LRRC8C: variants seen among roughly 807,000 people sequenced by gnomAD.
LRRC8C encodes the protein leucine rich repeat containing 8 VRAC subunit C.
Under a neutral mutation model 55.3 loss-of-function variants are expected in LRRC8C, and 20 were observed. The observed-to-expected ratio is 0.36, with a 90% CI of 0.25 to 0.53. The LOEUF (loss-of-function observed/expected upper bound fraction) is 0.53, where lower values mean the gene tolerates loss of function less well. Ranked by LOEUF, LRRC8C falls within the 20% of genes least tolerant of loss-of-function variation. The pLI, the probability that LRRC8C is intolerant of heterozygous loss-of-function variation, is 0.92. For synonymous variants in LRRC8C, 376 were observed against 360.7 expected, an observed-to-expected ratio of 1.04 and a Z score of -0.48; for missense variants, 659 against 951.4, an observed-to-expected ratio of 0.69 and a Z score of 4.04.
At position 89,715,523 on chromosome 1, in the gene LRRC8C, T is replaced by C. The variant is rs1658793563; in HGVS notation, c.*541T>C. On this transcript the variant is annotated 3_prime_UTR_variant, in exon 3 of 3. Transcript: ENST00000370454. ...TGTTCCCCTGCCTCCAACAAAACCC[T>C]AAACTGTGTTATTTCATATACCTGA... The C allele has an allele frequency of 6.6e-6, 1 of 152,264 alleles. No individual in the cohort carries two copies. Among genetic ancestry groups the C allele is most frequent in the South Asian group, 2.1e-4 (1 of 4,834 alleles). 9.4% of individuals were successfully genotyped at this position (152,264 alleles called of 1,614,324 possible).
chr1:89,702,695 T>G (rs1020805790), intron 2 of LRRC8C, among the ~76,000 whole-genome samples: 3 of 152,010 alleles, frequency 2.0e-5, no homozygotes, highest in African/African-American at 7.3e-5. Context: ...CCAGGATTTT[T>G]GAAGCTACTG....
intron 2 of LRRC8C, among the ~76,000 whole-genome samples, chr1:89,709,752 T>TTG (rs1429917459): frequency 1.5e-4 from 4 of 26,686 alleles, no homozygotes; most frequent in African/African-American, 4.1e-4. Context: ...TTTTTTTTTG[T>TTG]TTGTTTTTTT....
At chr1:89,650,371 T>C (rs1656729163) in intron 1 of LRRC8C, among the ~76,000 whole-genome samples, 1 of 152,098 alleles carries the variant, frequency 6.6e-6, no homozygotes, top group East Asian at 1.9e-4. Flanking sequence ...AATGTTAGAA[T>C]AACATTGCTA....
At chr1:89,701,156 A>T (rs1375869343) in intron 2 of LRRC8C, among the ~76,000 whole-genome samples, 1 of 152,090 alleles carries the variant, frequency 6.6e-6, no homozygotes, top group Non-Finnish European at 1.5e-5. Context: ...AGCTGGAGAA[A>T]TAATTTGGGG....
intron 1 of LRRC8C, among the ~76,000 whole-genome samples, chr1:89,682,109 G>A (rs185927602): frequency 6.6e-5 from 10 of 152,260 alleles, no homozygotes; most frequent in South Asian, 2.1e-4. Context: ...CCCGGGAGGC[G>A]GAGCTTGCAG....
intron 1 of LRRC8C, among the ~76,000 whole-genome samples, chr1:89,682,460 C>T (rs935823815): frequency 6.6e-6 from 1 of 152,188 alleles, no homozygotes; most frequent in African/African-American, 2.4e-5. Context: ...GATAAAGGAA[C>T]AGTGACCCTC....
At chr1:89,697,386 TC>T (rs1658202596) in intron 2 of LRRC8C, among the ~76,000 whole-genome samples, 1 of 152,208 alleles carries the variant, frequency 6.6e-6, no homozygotes, top group Admixed American at 6.5e-5. Context: ...CTTTGAACTC[TC>T]CCAATTTCTT....
At chr1:89,646,418 C>G (rs185395322) in intron 1 of LRRC8C, among the ~76,000 whole-genome samples, 1 of 152,214 alleles carries the variant, frequency 6.6e-6, no homozygotes, top group Admixed American at 6.5e-5. Flanking sequence ...TAACCAAAAA[C>G]TTTCCCATAA....
chr1:89,646,681 C>G (rs1656623452), intron 1 of LRRC8C, among the ~76,000 whole-genome samples: 1 of 151,972 alleles, frequency 6.6e-6, no homozygotes, highest in African/African-American at 2.4e-5. Context: ...GAATGCCTTC[C>G]CCTTGAGATC....
intron 2 of LRRC8C, among the ~76,000 whole-genome samples, chr1:89,691,994 A>G (rs186620063): frequency 5.8e-4 from 88 of 152,352 alleles, no homozygotes; most frequent in African/African-American, 1.9e-3. Context: ...GAAAGAATGC[A>G]TGGTACAAAT....
intron 1 of LRRC8C, among the ~76,000 whole-genome samples, chr1:89,636,908 A>T (rs2101173452): frequency 6.6e-6 from 1 of 152,254 alleles, no homozygotes; most frequent in East Asian, 1.9e-4. Flanking sequence ...TTTTTAAAAA[A>T]TTTCTTTATA....
At chr1:89,656,524 C>A (rs533629156) in intron 1 of LRRC8C, among the ~76,000 whole-genome samples, 1 of 152,110 alleles carries the variant, frequency 6.6e-6, no homozygotes, top group East Asian at 1.9e-4. Context: ...ACATTTGAGA[C>A]CTCTGGGTTT....
chr1:89,649,757 A>C (rs1656707480), intron 1 of LRRC8C, among the ~76,000 whole-genome samples: 1 of 152,214 alleles, frequency 6.6e-6, no homozygotes, highest in South Asian at 2.1e-4. Flanking sequence ...TGTAGATTCT[A>C]TCTGTTTTGG....
intron 2 of LRRC8C, among the ~76,000 whole-genome samples, chr1:89,697,320 T>A (rs1324114638): frequency 1.3e-5 from 2 of 152,232 alleles, no homozygotes; most frequent in African/African-American, 2.4e-5. Context: ...ATATTTAGAA[T>A]TCTGTATCTT....
chr1:89,657,025 C>T (rs945210848), intron 1 of LRRC8C, among the ~76,000 whole-genome samples: 7 of 152,258 alleles, frequency 4.6e-5, no homozygotes, highest in African/African-American at 1.2e-4. Context: ...TTCAAACCTA[C>T]GTCTTTCTGG....
intron 1 of LRRC8C, among the ~76,000 whole-genome samples, chr1:89,646,366 C>A (rs778835129): frequency 6.6e-6 from 1 of 152,036 alleles, no homozygotes; most frequent in Non-Finnish European, 1.5e-5. Context: ...GAAAAAGTTT[C>A]TTGAAAAGCA....
upstream of LRRC8C, among the ~76,000 whole-genome samples, chr1:89,628,694 A>G (rs1356869941): frequency 6.6e-6 from 1 of 152,248 alleles, no homozygotes; most frequent in African/African-American, 2.4e-5. Flanking sequence ...TTTCGATATA[A>G]CATTCCTTCC....
intron 2 of LRRC8C, among the ~76,000 whole-genome samples, chr1:89,698,735 AT>A (rs11443052): frequency 1.3e-4 from 20 of 151,386 alleles, no homozygotes; most frequent in Admixed American, 3.3e-4. Context: ...CCAAGGTATG[AT>A]TTTTTTTTCC....
chr1:89,672,445 T>C (rs1387217116), intron 1 of LRRC8C, among the ~76,000 whole-genome samples: 1 of 152,178 alleles, frequency 6.6e-6, no homozygotes, highest in East Asian at 1.9e-4. Flanking sequence ...ACGAGCTCAA[T>C]ACCTTGCAGA....
Sources: gnomAD v4.1 joint callset for allele counts (sites outside exome capture counted in the v4.1 genomes callset) on GRCh38, gnomAD v4.1.1 for gene constraint, MANE v1.5 for transcripts, NCBI Gene and HGNC (gene_info 2026-07-23, HGNC 2026-07-21) for gene names.